The following TNFAIP8L3 variants were observed in gnomAD, a reference collection of about 807,000 sequenced individuals.
The protein encoded by TNFAIP8L3 is tumor necrosis factor alpha-induced protein 8-like protein 3.
A neutral mutation model predicts 11.8 loss-of-function variants in TNFAIP8L3; 7 were observed. That is an observed-to-expected ratio of 0.59 (90% CI 0.34 to 1.11). TNFAIP8L3 has a LOEUF of 1.11. Ranked by LOEUF, TNFAIP8L3 falls within the 50% of genes most tolerant of loss-of-function variation. The pLI, the probability that TNFAIP8L3 is intolerant of heterozygous loss-of-function variation, is 0.03. For synonymous variants in TNFAIP8L3, 98 were observed against 103.8 expected, an observed-to-expected ratio of 0.94 and a Z score of 0.34; for missense variants, 219 against 258.6, an observed-to-expected ratio of 0.85 and a Z score of 1.05.
chr15:51,076,280 C>T lies in TNFAIP8L3; in HGVS notation c.53-17837G>A, dbSNP rs138405399. Among the ~76,000 whole-genome samples, 10 of 152,244 alleles carry T rather than the reference C, an allele frequency of 6.6e-5. No homozygotes were observed. In the East Asian group the frequency reaches 1.5e-3, roughly 23 times the overall value. ...AGCAGATGGGAGGTGGGATGACACC[C>T]GCAAGATCTCCTGAGGTTGGGCTCC... On this transcript the variant is annotated intron_variant, in intron 1 of 1. Transcript: ENST00000637513.
chr15:51,073,926 C>A (rs2065331275), intron 1 of TNFAIP8L3, among the ~76,000 whole-genome samples: 1 of 152,106 alleles, frequency 6.6e-6, no homozygotes, highest in Non-Finnish European at 1.5e-5. Context: ...CTGAGATGAT[C>A]ATATAATTTA....
At chr15:51,061,140 AT>A (rs1358872133) in intron 1 of TNFAIP8L3, among the ~76,000 whole-genome samples, 17 of 152,332 alleles carry the variant, frequency 1.1e-4, no homozygotes, top group Non-Finnish European at 2.2e-4. Flanking sequence ...TCTCAAAAAA[AT>A]AATAATTAAT....
At chr15:51,067,182 C>T (rs1282204373) in intron 1 of TNFAIP8L3, among the ~76,000 whole-genome samples, 1 of 152,152 alleles carries the variant, frequency 6.6e-6, no homozygotes, top group Non-Finnish European at 1.5e-5. Flanking sequence ...AAAAGGCACC[C>T]ATGGTAAAAC....
At chr15:51,103,738 A>G (rs753247847) in intron 1 of TNFAIP8L3, among the ~76,000 whole-genome samples, 1 of 152,182 alleles carries the variant, frequency 6.6e-6, no homozygotes, top group Non-Finnish European at 1.5e-5. Flanking sequence ...TCTCAGTCAC[A>G]TAGTTGTCGA....
chr15:51,094,628 C>A lies in TNFAIP8L3; in HGVS notation c.-33G>T, dbSNP rs1234329549. 11 of 1,443,228 alleles carry A rather than the reference C, an allele frequency of 7.6e-6. No homozygotes were observed. The East Asian group carries it at 3.0e-4, about 40-fold the overall frequency. The allele number at this position is 1,443,228 out of a possible 1,614,324, so 89.4% of individuals were successfully genotyped here. ...GCTGCTGGCTGGGCGTCCACGGCCACCCGCCCGTCTGCGGGGCGCTCGGGC... is the reference window on the plus strand; with the variant it reads ...GCTGCTGGCTGGGCGTCCACGGCCAACCGCCCGTCTGCGGGGCGCTCGGGC... On this transcript the variant is annotated 5_prime_UTR_variant, in exon 1 of 2. Coordinates refer to ENST00000637513, the MANE Select transcript of TNFAIP8L3 (RefSeq NM_001311175.2). The surrounding 1 kb of genome is among the most constrained non-coding windows in gnomAD (Gnocchi z 4.4).
intron 1 of TNFAIP8L3, among the ~76,000 whole-genome samples, chr15:51,087,935 A>ATATATATATATATG (rs1567294885): frequency 7.2e-6 from 1 of 138,948 alleles, no homozygotes; most frequent in African/African-American, 2.7e-5. Flanking sequence ...ATATATATAT[A>ATATATATATATATG]TATATATGGG....
chr15:51,058,575 CCTAA>C, intron 1 of TNFAIP8L3, 132 bp from the exon 2 acceptor site: 7 of 793,366 alleles, frequency 8.8e-6, no homozygotes, highest in Non-Finnish European at 1.3e-5. Context: ...TCCCTCGCTC[CCTAA>C]CTAAACCCCA....
At chr15:51,096,168 C>T (rs1247800328), upstream of TNFAIP8L3, among the ~76,000 whole-genome samples, 2 of 152,118 alleles carry the variant, frequency 1.3e-5, no homozygotes, top group African/African-American at 2.4e-5. Flanking sequence ...CAGATCTGCT[C>T]CTGACTGCTA....
intron 1 of TNFAIP8L3, among the ~76,000 whole-genome samples, chr15:51,078,827 T>A (rs765626240): frequency 2.7e-4 from 41 of 152,090 alleles, no homozygotes; most frequent in Non-Finnish European, 5.3e-4. Context: ...TCCGACTGTC[T>A]ATTCAGCTTC....
At chr15:51,101,490 G>C (rs2065549984) in intron 1 of TNFAIP8L3, among the ~76,000 whole-genome samples, 1 of 152,042 alleles carries the variant, frequency 6.6e-6, no homozygotes, top group African/African-American at 2.4e-5. Flanking sequence ...GCGTGGTGGT[G>C]CATGCCTATA....
chr15:51,092,779 C>A (rs1287341245), intron 1 of TNFAIP8L3, among the ~76,000 whole-genome samples: 1 of 152,192 alleles, frequency 6.6e-6, no homozygotes, highest in Non-Finnish European at 1.5e-5. Context: ...CAACAGGGTG[C>A]AGCAGAATTC....
intron 1 of TNFAIP8L3, among the ~76,000 whole-genome samples, chr15:51,076,925 T>C (rs528588741): frequency 6.6e-6 from 1 of 152,308 alleles, no homozygotes; most frequent in Admixed American, 6.5e-5. Flanking sequence ...TGGGCACGCA[T>C]CAGATGTGCG....
At chr15:51,079,859 A>G (rs1452336836) in intron 1 of TNFAIP8L3, among the ~76,000 whole-genome samples, 1 of 145,740 alleles carries the variant, frequency 6.9e-6, no homozygotes, top group Non-Finnish European at 1.5e-5. Flanking sequence ...TTGTCTCAAA[A>G]AAAAAAAAAA....
chr15:51,089,879 T>C (rs1327905519), intron 1 of TNFAIP8L3, among the ~76,000 whole-genome samples: 1 of 152,208 alleles, frequency 6.6e-6, no homozygotes. Context: ...GAAATGGGAA[T>C]ATGACTAATA....
At chr15:51,100,596 G>A (rs2065543858) in intron 1 of TNFAIP8L3, among the ~76,000 whole-genome samples, 1 of 152,176 alleles carries the variant, frequency 6.6e-6, no homozygotes, top group South Asian at 2.1e-4. Flanking sequence ...GGCAGGAATA[G>A]TTCTTCTGTA....
In TNFAIP8L3 at chr15:51,094,555, A is replaced by G. The variant is rs1196993908; in HGVS notation, c.41T>C (p.Val14Ala). Residue 14 changes from valine to alanine, a missense_variant, in exon 1 of 2, where the codon GTG becomes GCG. Coordinates refer to ENST00000637513, the MANE Select transcript of TNFAIP8L3 (RefSeq NM_001311175.2). The surrounding 1 kb of genome is among the most constrained non-coding windows in gnomAD (Gnocchi z 4.4). Reference sequence around the variant, plus strand: ...CGGCCCCTAGGTACCTGCGGCGGTCACGGGCTCGCCCTCGCTCTGCTCCCC... The same window carrying G: ...CGGCCCCTAGGTACCTGCGGCGGTCGCGGGCTCGCCCTCGCTCTGCTCCCC... ...DSGEQSEGEP[V>A]TAAGPDVFSS... The G allele has an allele frequency of 4.7e-6, 7 of 1,503,926 alleles. No individual in the cohort carries two copies. The highest frequency in any genetic ancestry group is 6.2e-6 in the Non-Finnish European group (7 of 1,131,050). The allele number at this position is 1,503,926 out of a possible 1,614,324, so 93.2% of individuals were successfully genotyped here. A position where few individuals can be genotyped will look rare whatever the true frequency, so the allele number is the denominator to read the frequency against.
At chr15:51,080,710 T>G (rs1385113511) in intron 1 of TNFAIP8L3, among the ~76,000 whole-genome samples, 1 of 152,234 alleles carries the variant, frequency 6.6e-6, no homozygotes, top group Non-Finnish European at 1.5e-5. Flanking sequence ...TAAATAACCA[T>G]GTAAAGTGTA....
chr15:51,100,970 C>G (rs1595623530), intron 1 of TNFAIP8L3, among the ~76,000 whole-genome samples: 1 of 152,180 alleles, frequency 6.6e-6, no homozygotes, highest in Non-Finnish European at 1.5e-5. Context: ...TTTGCCGGGC[C>G]CCTGTACTAG....
At chr15:51,099,468 GA>G (rs1419963237), upstream of TNFAIP8L3, among the ~76,000 whole-genome samples, 3 of 152,162 alleles carry the variant, frequency 2.0e-5, no homozygotes, top group Non-Finnish European at 2.9e-5. Flanking sequence ...GAGAAAGAGA[GA>G]GAGAGAAGAA....
Sources: allele counts gnomAD v4.1 joint callset (sites outside exome capture counted in the v4.1 genomes callset), GRCh38; gene constraint gnomAD v4.1.1; non-coding constraint Gnocchi (gnomAD v3.1); transcripts MANE v1.5; gene names NCBI Gene and HGNC (gene_info 2026-07-23, HGNC 2026-07-21).